RNLS: variants seen among roughly 807,000 people sequenced by gnomAD.
The protein encoded by RNLS is renalase, FAD dependent amine oxidase.
A neutral mutation model predicts 39.8 loss-of-function variants in RNLS; 39 were observed. The observed-to-expected ratio is 0.98, with a 90% CI of 0.76 to 1.28. RNLS has a LOEUF of 1.28. RNLS is among the 50% of genes most tolerant of loss of function. The pLI is 0.00. For missense variants in RNLS, 410 were observed against 413.3 expected, an observed-to-expected ratio of 0.99 and a Z score of 0.07; for synonymous variants, 147 against 150.7, an observed-to-expected ratio of 0.98 and a Z score of 0.18.
intron 4 of RNLS, among the ~76,000 whole-genome samples, chr10:88,526,103 C>T (rs1011922000): frequency 6.6e-6 from 1 of 151,936 alleles, no homozygotes; most frequent in Non-Finnish European, 1.5e-5. Context: ...TTACAGTGGC[C>T]ATAGCATCTC....
At chr10:88,279,351 T>C (rs989860619), downstream of RNLS, among the ~76,000 whole-genome samples, 13 of 152,168 alleles carry the variant, frequency 8.5e-5, no homozygotes, top group African/African-American at 2.9e-4. Context: ...CCAGCATTTA[T>C]GGAGTGTTTT....
chr10:88,180,814 AT>A, the RNLS span, among the ~76,000 whole-genome samples: 1 of 152,224 alleles, frequency 6.6e-6, no homozygotes, highest in East Asian at 1.9e-4. Context: ...CTACAAAAAA[AT>A]GGGATGAAAC....
chr10:88,542,259 T>C (rs1311056941), intron 4 of RNLS, among the ~76,000 whole-genome samples: 1 of 152,126 alleles, frequency 6.6e-6, no homozygotes, highest in Non-Finnish European at 1.5e-5. Context: ...TACTCCATGC[T>C]GCGTGCACAG....
chr10:88,312,095 C>A (rs1845427750), intron 6 of RNLS, among the ~76,000 whole-genome samples: 1 of 152,174 alleles, frequency 6.6e-6, no homozygotes, highest in Non-Finnish European at 1.5e-5. Context: ...ATGTCTTAAT[C>A]CCTGGAACCT....
At chr10:88,518,144 A>G (rs1015897220) in intron 4 of RNLS, among the ~76,000 whole-genome samples, 1 of 151,924 alleles carries the variant, frequency 6.6e-6, no homozygotes, top group Non-Finnish European at 1.5e-5. Context: ...TCTTTAATCC[A>G]ACAGCTTAAA....
chr10:88,377,237 CA>C (rs1851079134), intron 4 of RNLS, among the ~76,000 whole-genome samples: 1 of 55,672 alleles, frequency 1.8e-5, no homozygotes, highest in Non-Finnish European at 4.0e-5. Context: ...CATACACACA[CA>C]TATACACACA....
intron 4 of RNLS, among the ~76,000 whole-genome samples, chr10:88,528,940 A>C (rs868144571): frequency 7.9e-5 from 12 of 152,234 alleles, no homozygotes; most frequent in Middle Eastern, 3.4e-3. Flanking sequence ...AATGTGGTTA[A>C]CTGGATTGAA....
intron 4 of RNLS, among the ~76,000 whole-genome samples, chr10:88,458,928 TG>T (rs1029920830): frequency 2.0e-4 from 31 of 151,950 alleles, no homozygotes; most frequent in Admixed American, 9.2e-4. Flanking sequence ...CTTTTTCAAG[TG>T]GAAAAGGAAG....
intron 4 of RNLS, among the ~76,000 whole-genome samples, chr10:88,406,244 T>C (rs984843785): frequency 6.6e-6 from 1 of 152,100 alleles, no homozygotes; most frequent in Non-Finnish European, 1.5e-5. Flanking sequence ...ATGTTCTTTG[T>C]GCTTCTTGTA....
chr10:88,357,872 TG>T (rs1849310055), intron 5 of RNLS, among the ~76,000 whole-genome samples: 1 of 152,150 alleles, frequency 6.6e-6, no homozygotes, highest in Non-Finnish European at 1.5e-5. Context: ...AGTCAAAAAA[TG>T]GATGGAGCCT....
intron 5 of RNLS, among the ~76,000 whole-genome samples, chr10:88,335,769 A>G (rs1395666131): frequency 6.6e-6 from 1 of 152,238 alleles, no homozygotes; most frequent in Non-Finnish European, 1.5e-5. Context: ...CTGCCAAACA[A>G]AGCCTCACTA....
At chr10:88,223,109 T>C in the RNLS span, among the ~76,000 whole-genome samples, 3 of 152,326 alleles carry the variant, frequency 2.0e-5, no homozygotes, top group South Asian at 2.1e-4. Context: ...TAAGGATACA[T>C]GGCTTGTGAG....
chr10:88,400,202 G>T (rs2133633720), intron 4 of RNLS, among the ~76,000 whole-genome samples: 1 of 152,064 alleles, frequency 6.6e-6, no homozygotes, highest in South Asian at 2.1e-4. Flanking sequence ...CCAGAGAATA[G>T]AATTTAATAT....
At chr10:88,360,312 C>T (rs1176086956) in intron 5 of RNLS, among the ~76,000 whole-genome samples, 2 of 152,218 alleles carry the variant, frequency 1.3e-5, no homozygotes, top group Non-Finnish European at 2.9e-5. Context: ...TATCACATTG[C>T]TTCCACCCTC....
chr10:88,355,866 C>A (rs1312981185), intron 5 of RNLS, among the ~76,000 whole-genome samples: 1 of 152,118 alleles, frequency 6.6e-6, no homozygotes, highest in East Asian at 1.9e-4. Flanking sequence ...CCACCCAGTT[C>A]GAGCTTCCAG....
chr10:88,471,444 G>A (rs1248086171), intron 4 of RNLS, among the ~76,000 whole-genome samples: 1 of 152,114 alleles, frequency 6.6e-6, no homozygotes, highest in African/African-American at 2.4e-5. Context: ...ACTCTCACCA[G>A]CAATGGGTGC....
At chr10:88,417,178 G>C (rs183090457) in intron 4 of RNLS, among the ~76,000 whole-genome samples, 10 of 152,184 alleles carry the variant, frequency 6.6e-5, no homozygotes, top group African/African-American at 2.4e-4. Flanking sequence ...TGTAATTTTT[G>C]AATCAAGATT....
intron 4 of RNLS, among the ~76,000 whole-genome samples, chr10:88,474,560 TA>T (rs1485368738): frequency 1.3e-5 from 2 of 152,158 alleles, no homozygotes; most frequent in Non-Finnish European, 2.9e-5. Flanking sequence ...ATTATAATAA[TA>T]CCTCTTCAAG....
chr10:88,527,185 G>T (rs1259654869), intron 4 of RNLS, among the ~76,000 whole-genome samples: 1 of 152,118 alleles, frequency 6.6e-6, no homozygotes, highest in African/African-American at 2.4e-5. Flanking sequence ...ACATAATGGA[G>T]AGGCACTCTC....
Sources: gnomAD v4.1 joint callset for allele counts (sites outside exome capture counted in the v4.1 genomes callset) on GRCh38, gnomAD v4.1.1 for gene constraint, MANE v1.5 for transcripts, NCBI Gene and HGNC (gene_info 2026-07-23, HGNC 2026-07-21) for gene names.